CCDC177: variants seen among roughly 807,000 people sequenced by gnomAD.
CCDC177 encodes the protein coiled-coil domain containing 177.
CCDC177 carries 2 observed loss-of-function variants against 7.3 expected under a neutral mutation model. The ratio of observed to expected loss-of-function variants is 0.28; its 90% CI spans 0.11 to 0.87. The LOEUF (loss-of-function observed/expected upper bound fraction) is 0.87, where lower values mean the gene tolerates loss of function less well. CCDC177 is among the 40% of genes least tolerant of loss of function. The pLI is 0.61. For missense variants in CCDC177, 874 were observed against 970.5 expected (o/e 0.90, Z 1.32); for synonymous variants, 401 against 449.2 (o/e 0.89, Z 1.36).
At position 69,573,614 on chromosome 14, in the gene CCDC177, G is replaced by A. The variant is rs770020903; in HGVS notation, c.9C>T (p.Asp3=). MV[D]PVPEEEKAGA... is the part of the protein sequence containing the mutation. ...CTGCCTTCTCTTCTTCAGGCACTGG[G>A]TCCACCATGGCTGAGCCCCGTCCTT... Residue 3 remains aspartate, a synonymous_variant, in exon 2 of 2, where the codon GAC becomes GAT. Coordinates refer to ENST00000599174, the MANE Select transcript of CCDC177 (RefSeq NM_001271507.2). The A allele has an allele frequency of 8.1e-7, 1 of 1,231,862 alleles. No individual in the cohort carries two copies. The highest frequency in any genetic ancestry group is 1.0e-6 in the Non-Finnish European group (1 of 988,050). The allele number at this position is 1,231,862 out of a possible 1,614,324, so 76.3% of individuals were successfully genotyped here.
Position 69,572,533 on chromosome 14 carries a change from C to A in CCDC177, c.1090G>T (p.Gly364Cys), listed in dbSNP as rs1167281730. 3.2e-6 allele frequency: 4 copies of A among 1,230,954 alleles called. No individual in the cohort carries two copies. The highest frequency in any genetic ancestry group is 4.1e-6 in the Non-Finnish European group (4 of 987,504). The allele number at this position is 1,230,954 out of a possible 1,614,324, so 76.3% of individuals were successfully genotyped here. A position where few individuals can be genotyped will look rare whatever the true frequency, so the allele number is the denominator to read the frequency against. The change falls in exon 2 of 2, where the codon GGC becomes TGC. Residue 364 changes from glycine to cysteine, a missense_variant. By Grantham distance (159) the Gly-to-Cys change is radical. Transcript: ENST00000599174. Reference sequence around the variant, plus strand: ...TGCACGCGCTGCAGCTCCCACTGGCCGTGGGCAGCCGCGCGTTGCTCCAGC... The same window carrying A: ...TGCACGCGCTGCAGCTCCCACTGGCAGTGGGCAGCCGCGCGTTGCTCCAGC... ...LLLEQRAAAHGQWELQRVHAK... is the reference protein window; with the variant it reads ...LLLEQRAAAHCQWELQRVHAK...
Position 69,571,431 on chromosome 14 carries a change from C to T in CCDC177, c.*68G>A. The T allele has an allele frequency of 8.8e-7, 1 of 1,141,502 alleles. No homozygotes were observed. Among genetic ancestry groups the T allele is most frequent in the Non-Finnish European group, 1.1e-6 (1 of 893,232 alleles). The allele number at this position is 1,141,502 out of a possible 1,614,324, so 70.7% of individuals were successfully genotyped here. ...GCTGCGCACCGAGCGGGGACTCCCACGATGGTCAGTGGTTGAGGGAGGCCC... is the reference window on the plus strand; with the variant it reads ...GCTGCGCACCGAGCGGGGACTCCCATGATGGTCAGTGGTTGAGGGAGGCCC... On this transcript the variant is annotated 3_prime_UTR_variant, in exon 2 of 2. Transcript: ENST00000599174.
rs931783200 is a variant in CCDC177 at position 69,572,582 on chromosome 14, C to A, written c.1041G>T (p.Ala347=). The part of the protein sequence containing the change: ...RDRKIAALML[A]RHQEELLLLE... ...GCAGCAGGAGCTCCTCCTGGTGCCG[C>A]GCCAGCATGAGCGCCGCGATCTTCC... Residue 347 remains alanine, a synonymous_variant, in exon 2 of 2, where the codon GCG becomes GCT. Coordinates refer to ENST00000599174, the MANE Select transcript of CCDC177 (RefSeq NM_001271507.2). 5.7e-6 allele frequency: 7 copies of A among 1,231,080 alleles called. No individual in the cohort carries two copies. Among genetic ancestry groups the A allele is most frequent in the African/African-American group, 1.6e-5 (1 of 64,404 alleles). 76.3% of individuals were successfully genotyped at this position (1,231,080 alleles called of 1,614,324 possible).
At position 69,574,773 on chromosome 14, in the gene CCDC177, A is replaced by G. The variant is rs1314289209; in HGVS notation, c.-260T>C. The G allele has an allele frequency of 6.6e-6, 1 of 152,052 alleles. No individual in the cohort carries two copies. Among genetic ancestry groups the G allele is most frequent in the African/African-American group, 2.4e-5 (1 of 41,390 alleles). The allele number at this position is 152,052 out of a possible 1,614,324, so 9.4% of individuals were successfully genotyped here. A position where few individuals can be genotyped will look rare whatever the true frequency, so the allele number is the denominator to read the frequency against. On this transcript the variant is annotated 5_prime_UTR_variant, in exon 1 of 2. Coordinates refer to ENST00000599174, the MANE Select transcript of CCDC177 (RefSeq NM_001271507.2). ...GGGAGTGCGACAATGTCTCCCTAAA[A>G]TAACGCGGCTCTGCACCCTTCCCTC...
rs1231916916 is a variant in CCDC177 at position 69,571,422 on chromosome 14, G to T, written c.*77C>A. On this transcript the variant is annotated 3_prime_UTR_variant, in exon 2 of 2. Coordinates refer to ENST00000599174, the MANE Select transcript of CCDC177 (RefSeq NM_001271507.2). Reference sequence around the variant, plus strand: ...GGCCACCGCGCTGCGCACCGAGCGGGGACTCCCACGATGGTCAGTGGTTGA... The same window carrying T: ...GGCCACCGCGCTGCGCACCGAGCGGTGACTCCCACGATGGTCAGTGGTTGA... 7.6e-6 allele frequency: 8 copies of T among 1,052,096 alleles called. No individual in the cohort carries two copies. The highest frequency in any genetic ancestry group is 9.9e-6 in the Non-Finnish European group (8 of 811,216). 65.2% of individuals were successfully genotyped at this position (1,052,096 alleles called of 1,614,324 possible).
chr14:69,572,313 A>T lies in CCDC177; in HGVS notation c.1310T>A (p.Leu437His). The change falls in exon 2 of 2, where the codon CTC (leucine) becomes CAC (histidine). Residue 437 changes from leucine (L) to histidine (H), a missense_variant. By Grantham distance (99) the Leu-to-His change is moderately conservative (BLOSUM62 -3). Coordinates refer to ENST00000599174, the MANE Select transcript of CCDC177 (RefSeq NM_001271507.2). ...GCGCTCCGCCCGCTCCCGCCGCAGG[A>T]GGCCCTGGCGTTCGGCCAGCTCCCG... ...RRRELAERQGLLRRERAERAA... is the reference protein window; with the variant it reads ...RRRELAERQGHLRRERAERAA... 1 of 1,227,158 alleles carries T rather than the reference A, an allele frequency of 8.1e-7. No individual in the cohort carries two copies. The highest frequency in any genetic ancestry group is 1.0e-6 in the Non-Finnish European group (1 of 985,288). The allele number at this position is 1,227,158 out of a possible 1,614,324, so 76.0% of individuals were successfully genotyped here.
chr14:69,571,409 G>A lies in CCDC177; in HGVS notation c.*90C>T, dbSNP rs1453176939. On this transcript the variant is annotated 3_prime_UTR_variant, in exon 2 of 2. Coordinates refer to ENST00000599174, the MANE Select transcript of CCDC177 (RefSeq NM_001271507.2). ...AGAAGCCTCGAGAGGCCACCGCGCT[G>A]CGCACCGAGCGGGGACTCCCACGAT... The A allele has an allele frequency of 4.3e-6, 4 of 928,722 alleles. No individual in the cohort carries two copies. The highest frequency in any genetic ancestry group is 8.8e-5 in the South Asian group (2 of 22,674). The allele number at this position is 928,722 out of a possible 1,614,324, so 57.5% of individuals were successfully genotyped here.
Sources: gnomAD v4.1 joint callset for allele counts on GRCh38, gnomAD v4.1.1 for gene constraint, MANE v1.5 for transcripts, NCBI Gene and HGNC (gene_info 2026-07-23, HGNC 2026-07-21) for gene names.